Variants in SAMD4A observed in about 807,000 individuals in gnomAD.
SAMD4A encodes the protein sterile alpha motif domain containing 4A.
SAMD4A carries 33 observed loss-of-function variants against 81.3 expected under a neutral mutation model. That is an observed-to-expected ratio of 0.41 (90% CI 0.31 to 0.54). The LOEUF (loss-of-function observed/expected upper bound fraction) is 0.54. SAMD4A is among the 20% of genes least tolerant of loss of function. The probability of loss-of-function intolerance (pLI) is 0.37; values close to 1 mark genes in which losing one functional copy is unlikely to be tolerated. For synonymous variants in SAMD4A, 389 were observed against 382.1 expected (o/e 1.02, Z -0.21); for missense variants, 854 against 951.1 (o/e 0.90, Z 1.34).
At chr14:54,753,418 C>G (rs1255025590) in intron 6 of SAMD4A, among the ~76,000 whole-genome samples, 64 of 131,882 alleles carry the variant, frequency 4.9e-4, no homozygotes, top group African/African-American at 7.4e-4. Context: ...TCCCTTAAAC[C>G]TTGATTTCAT....
intron 2 of SAMD4A, among the ~76,000 whole-genome samples, chr14:54,632,420 C>T (rs565090418): frequency 1.6e-4 from 24 of 152,308 alleles, no homozygotes; most frequent in South Asian, 1.2e-3. Flanking sequence ...CCCTGGCCAC[C>T]TATAGTTTCC....
chr14:54,578,314 G>A (rs1410924827), intron 2 of SAMD4A, among the ~76,000 whole-genome samples: 2 of 151,978 alleles, frequency 1.3e-5, no homozygotes, highest in African/African-American at 4.8e-5. Context: ...CTATGAATCA[G>A]GAATGAAGAT....
intron 11 of SAMD4A, among the ~76,000 whole-genome samples, chr14:54,782,123 C>T (rs551655855): frequency 6.6e-6 from 1 of 152,342 alleles, no homozygotes; most frequent in South Asian, 2.1e-4. Flanking sequence ...CTGCGTTTCT[C>T]AGCCCCCTTT....
At chr14:54,616,862 A>T (rs1046235020) in intron 2 of SAMD4A, among the ~76,000 whole-genome samples, 7 of 152,196 alleles carry the variant, frequency 4.6e-5, no homozygotes, top group African/African-American at 9.6e-5. Flanking sequence ...GACATGGAAA[A>T]TTCCATTTAA....
chr14:54,759,941 GTGTATTTTCCTCGCTATACCTGTC>G (rs2038345518), intron 6 of SAMD4A, among the ~76,000 whole-genome samples, 196 bp from the exon 7 acceptor site: 1 of 152,154 alleles, frequency 6.6e-6, no homozygotes, highest in African/African-American at 2.4e-5. Context: ...TTCCGGTGGT[GTGTATTTTCCTCGCTATACCTGTC>G]TGTATTTTCC....
intron 2 of SAMD4A, among the ~76,000 whole-genome samples, chr14:54,582,935 A>G (rs1300781764): frequency 6.6e-6 from 1 of 152,140 alleles, no homozygotes; most frequent in Non-Finnish European, 1.5e-5. Flanking sequence ...ACTTTTGTAT[A>G]GCTTAAAAGA....
chr14:54,699,535 A>C (rs1473660303), intron 2 of SAMD4A, among the ~76,000 whole-genome samples: 1 of 152,236 alleles, frequency 6.6e-6, no homozygotes, highest in African/African-American at 2.4e-5. Flanking sequence ...TCCATGATAA[A>C]AAATACATTG....
At chr14:54,711,986 CGCT>C (rs1339320593) in intron 3 of SAMD4A, among the ~76,000 whole-genome samples, 1 of 152,134 alleles carries the variant, frequency 6.6e-6, no homozygotes, top group Non-Finnish European at 1.5e-5. Flanking sequence ...GGCCACAAAC[CGCT>C]TCAAGTGCAT....
chr14:54,636,756 A>G (rs1021273782), intron 2 of SAMD4A, among the ~76,000 whole-genome samples: 1 of 152,122 alleles, frequency 6.6e-6, no homozygotes, highest in Admixed American at 6.5e-5. Context: ...AAGCTTTTTG[A>G]CCTGGGCAAC....
chr14:54,574,926 G>A (rs910351050), intron 2 of SAMD4A, among the ~76,000 whole-genome samples: 3 of 152,188 alleles, frequency 2.0e-5, no homozygotes, highest in Non-Finnish European at 2.9e-5. Flanking sequence ...AGGCTCCCAG[G>A]TGATGTTGAT....
intron 2 of SAMD4A, among the ~76,000 whole-genome samples, chr14:54,594,495 C>T (rs900297752): frequency 2.6e-4 from 40 of 152,108 alleles, no homozygotes; most frequent in African/African-American, 9.2e-4. Flanking sequence ...TTGAAGTATA[C>T]AGACCACATG....
intron 2 of SAMD4A, among the ~76,000 whole-genome samples, chr14:54,626,047 T>TGC (rs2034742525): frequency 7.7e-6 from 1 of 130,174 alleles, no homozygotes; most frequent in East Asian, 2.1e-4. Context: ...TGTGTGTGTG[T>TGC]GTGTGTGTGT....
intron 8 of SAMD4A, among the ~76,000 whole-genome samples, chr14:54,767,591 T>C (rs1453043104): frequency 2.6e-5 from 4 of 152,200 alleles, no homozygotes; most frequent in Admixed American, 6.5e-5. Context: ...TCCAGACAGA[T>C]GCATTGGTCT....
At chr14:54,660,876 GTTAACA>G (rs1391495868) in intron 2 of SAMD4A, among the ~76,000 whole-genome samples, 1 of 152,202 alleles carries the variant, frequency 6.6e-6, no homozygotes, top group African/African-American at 2.4e-5. Flanking sequence ...TTGTTTGCCT[GTTAACA>G]TCTGAATTTC....
chr14:54,573,359 A>G (rs2033190626), intron 2 of SAMD4A, among the ~76,000 whole-genome samples: 1 of 152,212 alleles, frequency 6.6e-6, no homozygotes, highest in African/African-American at 2.4e-5. Context: ...TTTTGTTTAA[A>G]TAAACAAACG....
At chr14:54,702,683 G>A (rs2036750419) in intron 3 of SAMD4A, 103 bp downstream of exon 3, 2 of 1,358,780 alleles carry the variant, frequency 1.5e-6, no homozygotes, top group East Asian at 2.3e-5. Flanking sequence ...TGTGACCCTG[G>A]GAGAGAAGGA....
chr14:54,622,784 G>A (rs1195518939), intron 2 of SAMD4A, among the ~76,000 whole-genome samples: 1 of 152,194 alleles, frequency 6.6e-6, no homozygotes. Flanking sequence ...GCTCCTCAAA[G>A]GGTGTCTGTG....
intron 2 of SAMD4A, among the ~76,000 whole-genome samples, chr14:54,624,897 C>T (rs1413005797): frequency 6.6e-6 from 1 of 151,992 alleles, no homozygotes; most frequent in African/African-American, 2.4e-5. Context: ...TAAATACAAC[C>T]TTTCAGGATG....
intron 2 of SAMD4A, among the ~76,000 whole-genome samples, chr14:54,621,649 A>T (rs1020948895): frequency 2.6e-5 from 4 of 151,726 alleles, no homozygotes; most frequent in African/African-American, 9.7e-5. Flanking sequence ...GCCGTGAGCC[A>T]CTGTGCCCAG....
Sources: allele counts gnomAD v4.1 joint callset (sites outside exome capture counted in the v4.1 genomes callset), GRCh38; gene constraint gnomAD v4.1.1; transcripts MANE v1.5; gene names NCBI Gene and HGNC (gene_info 2026-07-23, HGNC 2026-07-21).